The following DEFB132 variants were observed in gnomAD, a reference collection of about 807,000 sequenced individuals.
The protein encoded by DEFB132 is defensin beta 132.
Under a neutral mutation model 2.5 loss-of-function variants are expected in DEFB132, and 5 were observed. The ratio of observed to expected loss-of-function variants is 2.00; its 90% CI spans 1.04 to 4.20. The LOEUF (loss-of-function observed/expected upper bound fraction) is 4.20, where lower values mean the gene tolerates loss of function less well. DEFB132 is among the 30% of genes most tolerant of loss of function. The probability of loss-of-function intolerance (pLI) is 0.00; values close to 1 mark genes in which losing one functional copy is unlikely to be tolerated. For synonymous variants in DEFB132, 53 were observed against 46.2 expected, an observed-to-expected ratio of 1.15 and a Z score of -0.60; for missense variants, 112 against 110.0, an observed-to-expected ratio of 1.02 and a Z score of -0.08.
rs1488783584 is a variant in DEFB132 at position 260,368 on chromosome 20, T to C, written c.*1062T>C. Reference sequence around the variant, plus strand: ...TGCTGAGAAAATGAAAAAATCTAAATGGTGAAATATATACTAATGCCATCT... The same window carrying C: ...TGCTGAGAAAATGAAAAAATCTAAACGGTGAAATATATACTAATGCCATCT... On this transcript the variant is annotated 3_prime_UTR_variant, in exon 2 of 2. Coordinates refer to ENST00000382376, the MANE Select transcript of DEFB132 (RefSeq NM_207469.3). The C allele has an allele frequency of 2.0e-5, 3 of 152,168 alleles. No individual in the cohort carries two copies. The highest frequency in any genetic ancestry group is 4.4e-5 in the Non-Finnish European group (3 of 68,020). The allele number at this position is 152,168 out of a possible 1,614,324, so 9.4% of individuals were successfully genotyped here. A position where few individuals can be genotyped will look rare whatever the true frequency, so the allele number is the denominator to read the frequency against.
chr20:258,228 G>GGTTCCCATCCCTATGC (rs1555768356), intron 1 of DEFB132, among the ~76,000 whole-genome samples: 1 of 152,318 alleles, frequency 6.6e-6, no homozygotes, highest in East Asian at 1.9e-4. Context: ...AAGAGATTGA[G>GGTTCCCATCCCTATGC]GTTCCCATCC....
rs1159721102 is a variant in DEFB132 at position 260,857 on chromosome 20, C to A, written c.*1551C>A. ...TAAATATAACAATAGAGGCAGAACT[C>A]ATGTAAGAATAAATTGATTAGGTGG... On this transcript the variant is annotated 3_prime_UTR_variant, in exon 2 of 2. Coordinates refer to ENST00000382376, the MANE Select transcript of DEFB132 (RefSeq NM_207469.3). 1 of 152,172 alleles carries A rather than the reference C, an allele frequency of 6.6e-6. No individual in the cohort carries two copies. Among genetic ancestry groups the A allele is most frequent in the Admixed American group, 6.5e-5 (1 of 15,290 alleles). 9.4% of individuals were successfully genotyped at this position (152,172 alleles called of 1,614,324 possible).
In DEFB132 at chr20:259,577, G is replaced by C; in HGVS notation, c.*271G>C. ...AATGAAAAATGTCAAGACAGAATTG[G>C]ACATGCAAAAGATTGACTGGGAGAA... On this transcript the variant is annotated 3_prime_UTR_variant, in exon 2 of 2. Coordinates refer to ENST00000382376, the MANE Select transcript of DEFB132 (RefSeq NM_207469.3). 4.3e-6 allele frequency: 2 copies of C among 462,888 alleles called. No individual in the cohort carries two copies. The highest frequency in any genetic ancestry group is 8.0e-6 in the Non-Finnish European group (2 of 251,480). The allele number at this position is 462,888 out of a possible 1,614,324, so 28.7% of individuals were successfully genotyped here.
At chr20:257,940 A>T in intron 1 of DEFB132, 104 bp downstream of exon 1, 2 of 1,169,024 alleles carry the variant, frequency 1.7e-6, no homozygotes, top group Non-Finnish European at 2.5e-6. Flanking sequence ...GGCAGGGCTC[A>T]CCCCACTGAG....
At chr20:258,136 A>T (rs889092598) in intron 1 of DEFB132, among the ~76,000 whole-genome samples, 2 of 152,202 alleles carry the variant, frequency 1.3e-5, no homozygotes, top group African/African-American at 4.8e-5. Flanking sequence ...CCTAAGACAC[A>T]CTGAAGGCTT....
chr20:258,999 T>C, intron 1 of DEFB132, 78 bp from the exon 2 acceptor site: 1 of 1,427,574 alleles, frequency 7.0e-7, no homozygotes, highest in African/African-American at 1.4e-5. Context: ...AGCCAAACAC[T>C]CCCATCTGGC....
chr20:259,402 A>T lies in DEFB132; in HGVS notation c.*96A>T. 7.3e-7 allele frequency: 1 copy of T among 1,364,810 alleles called. No homozygotes were observed. Among genetic ancestry groups the T allele is most frequent in the Non-Finnish European group, 1.0e-6 (1 of 1,002,088 alleles). 84.5% of individuals were successfully genotyped at this position (1,364,810 alleles called of 1,614,324 possible). A position where few individuals can be genotyped will look rare whatever the true frequency, so the allele number is the denominator to read the frequency against. ...TGAGTACTAGCCAAGGCTCCTCTTT[A>T]TGGGGCAGATATCTATAGCCAACCC... On this transcript the variant is annotated 3_prime_UTR_variant, in exon 2 of 2. Coordinates refer to ENST00000382376, the MANE Select transcript of DEFB132 (RefSeq NM_207469.3).
intron 1 of DEFB132, 121 bp from the exon 2 acceptor site, chr20:258,956 C>T (rs2011609053): frequency 1.1e-6 from 1 of 950,408 alleles, no homozygotes; most frequent in East Asian, 2.6e-5. Context: ...GTCTCATTTG[C>T]ACAACATCCT....
intron 1 of DEFB132, 49 bp from the exon 2 acceptor site, chr20:259,028 C>T (rs1452951190): frequency 1.3e-6 from 2 of 1,590,470 alleles, no homozygotes; most frequent in East Asian, 4.5e-5. Context: ...TTTAGTAGCC[C>T]TGTGCTGCTT....
At chr20:258,286 T>C (rs2011602980) in intron 1 of DEFB132, among the ~76,000 whole-genome samples, 1 of 152,052 alleles carries the variant, frequency 6.6e-6, no homozygotes, top group South Asian at 2.1e-4. Context: ...GCAGACCTCT[T>C]AGAGGGCTAG....
Position 259,184 on chromosome 20 carries a change from T to C in DEFB132, c.166T>C (p.Cys56Arg), listed in dbSNP as rs779047888. ...LFMCNASRKC[C>R]ISYSFLPKPD... ...CATGTGCAACGCTTCCAGAAAATGC[T>C]GCATCAGCTACTCCTTCCTGCCGAA... The change falls in exon 2 of 2, where the codon TGC (cysteine) becomes CGC (arginine). Residue 56 changes from cysteine to arginine, a missense_variant. Cys to Arg is a radical substitution (Grantham distance 180). Coordinates refer to ENST00000382376, the MANE Select transcript of DEFB132 (RefSeq NM_207469.3). 6.2e-7 allele frequency: 1 copy of C among 1,614,234 alleles called. No individual in the cohort carries two copies. Among genetic ancestry groups the C allele is most frequent in the Non-Finnish European group, 8.5e-7 (1 of 1,180,042 alleles).
At chr20:258,448 G>A (rs2011604370) in intron 1 of DEFB132, among the ~76,000 whole-genome samples, 1 of 152,190 alleles carries the variant, frequency 6.6e-6, no homozygotes, top group Non-Finnish European at 1.5e-5. Flanking sequence ...AAGCCAAAGA[G>A]GCTTGAGGGT....
chr20:258,543 C>T (rs1340634042), intron 1 of DEFB132, among the ~76,000 whole-genome samples: 2 of 152,176 alleles, frequency 1.3e-5, no homozygotes, highest in African/African-American at 4.8e-5. Context: ...AAATGGTGCA[C>T]AGCACTGGGT....
In DEFB132 at chr20:259,898, T is replaced by TC. The variant is rs1296810554; in HGVS notation, c.*593dup. 1 of 156,718 alleles carries TC rather than the reference T, an allele frequency of 6.4e-6. No individual in the cohort carries two copies. The highest frequency in any genetic ancestry group is 1.4e-5 in the Non-Finnish European group (1 of 70,954). The allele number at this position is 156,718 out of a possible 1,614,324, so 9.7% of individuals were successfully genotyped here. A position where few individuals can be genotyped will look rare whatever the true frequency, so the allele number is the denominator to read the frequency against. On this transcript the variant is annotated 3_prime_UTR_variant, in exon 2 of 2. Coordinates refer to ENST00000382376, the MANE Select transcript of DEFB132 (RefSeq NM_207469.3). The stretch of plus-strand genomic sequence containing the variant: ...AACATGGGGTGACTGCTACCATAGG[T>TC]CTGGAAGTATGAGGCTGTCCACCAA...
Position 259,496 on chromosome 20 carries a change from G to A in DEFB132, c.*190G>A, listed in dbSNP as rs1486835653. The A allele has an allele frequency of 3.0e-5, 19 of 631,706 alleles. No homozygotes were observed. The highest frequency in any genetic ancestry group is 2.3e-4 in the East Asian group (8 of 35,446). 39.1% of individuals were successfully genotyped at this position (631,706 alleles called of 1,614,324 possible). On this transcript the variant is annotated 3_prime_UTR_variant, in exon 2 of 2. Coordinates refer to ENST00000382376, the MANE Select transcript of DEFB132 (RefSeq NM_207469.3). ...AATTTGGAGTTTGTATCTATCTTAC[G>A]AGAACAATCATCATGCAGATTCGTC... is the stretch of plus-strand genomic sequence containing the variant.
In DEFB132 at chr20:259,459, C is replaced by T. The variant is rs142792705; in HGVS notation, c.*153C>T. 1.4e-6 allele frequency: 1 copy of T among 735,596 alleles called. No homozygotes were observed. The highest frequency in any genetic ancestry group is 1.8e-5 in the African/African-American group (1 of 56,350). 45.6% of individuals were successfully genotyped at this position (735,596 alleles called of 1,614,324 possible). ...TTCTGTCTTCTATCATTCTGTCATTCATCTAGTAACTAATTTGGAGTTTGT... is the reference window on the plus strand; with the variant it reads ...TTCTGTCTTCTATCATTCTGTCATTTATCTAGTAACTAATTTGGAGTTTGT... On this transcript the variant is annotated 3_prime_UTR_variant, in exon 2 of 2. Transcript: ENST00000382376.
At position 260,601 on chromosome 20, in the gene DEFB132, T is replaced by C. The variant is rs1032948201; in HGVS notation, c.*1295T>C. The C allele has an allele frequency of 3.3e-5, 5 of 152,262 alleles. No homozygotes were observed. The East Asian group carries it at 7.7e-4, about 24-fold the overall frequency. 9.4% of individuals were successfully genotyped at this position (152,262 alleles called of 1,614,324 possible). ...CCATTAGTTTTATATAACATTTATT[T>C]GACACGTACTGACTTCTATCTGAGA... On this transcript the variant is annotated 3_prime_UTR_variant, in exon 2 of 2. Coordinates refer to ENST00000382376, the MANE Select transcript of DEFB132 (RefSeq NM_207469.3).
chr20:259,401 T>C lies in DEFB132; in HGVS notation c.*95T>C. Reference sequence around the variant, plus strand: ...CTGAGTACTAGCCAAGGCTCCTCTTTATGGGGCAGATATCTATAGCCAACC... The same window carrying C: ...CTGAGTACTAGCCAAGGCTCCTCTTCATGGGGCAGATATCTATAGCCAACC... On this transcript the variant is annotated 3_prime_UTR_variant, in exon 2 of 2. Transcript: ENST00000382376. 1 of 1,381,202 alleles carries C rather than the reference T, an allele frequency of 7.2e-7. No individual in the cohort carries two copies. The highest frequency in any genetic ancestry group is 9.8e-7 in the Non-Finnish European group (1 of 1,016,018). The allele number at this position is 1,381,202 out of a possible 1,614,324, so 85.6% of individuals were successfully genotyped here.
At chr20:258,970 G>T in intron 1 of DEFB132, 107 bp from the exon 2 acceptor site, 1 of 1,075,810 alleles carries the variant, frequency 9.3e-7, no homozygotes, top group Non-Finnish European at 1.4e-6. Flanking sequence ...ACATCCTAAG[G>T]ATACACCTCA....
Sources: gnomAD v4.1 joint callset for allele counts (sites outside exome capture counted in the v4.1 genomes callset) on GRCh38, gnomAD v4.1.1 for gene constraint, MANE v1.5 for transcripts, NCBI Gene and HGNC (gene_info 2026-07-23, HGNC 2026-07-21) for gene names.